Variants in CSTPP1 observed in about 807,000 individuals in gnomAD.
CSTPP1 encodes centriolar satellite-associated tubulin polyglutamylase complex regulator 1.
the CSTPP1 span, among the ~76,000 whole-genome samples, chr11:46,982,313 A>G: frequency 3.9e-5 from 6 of 152,084 alleles, no homozygotes; most frequent in African/African-American, 1.4e-4. Flanking sequence ...AAAGTTGAGT[A>G]TATGTATATA....
At chr11:47,139,611 T>C in the CSTPP1 span, among the ~76,000 whole-genome samples, 2 of 151,294 alleles carry the variant, frequency 1.3e-5, no homozygotes, top group African/African-American at 4.9e-5. Flanking sequence ...GAGGCAGAGG[T>C]TGCAGTGAGC....
chr11:47,126,278 A>C, the CSTPP1 span, among the ~76,000 whole-genome samples: 2 of 152,174 alleles, frequency 1.3e-5, no homozygotes, highest in African/African-American at 2.4e-5. Context: ...CCCTAGGACA[A>C]AAAGTGATAG....
chr11:47,056,990 G>T, the CSTPP1 span, among the ~76,000 whole-genome samples: 1 of 152,172 alleles, frequency 6.6e-6, no homozygotes, highest in Admixed American at 6.5e-5. Flanking sequence ...GAAGCCACCT[G>T]TAGAACTCTA....
At chr11:46,993,456 A>C in the CSTPP1 span, among the ~76,000 whole-genome samples, 1 of 151,768 alleles carries the variant, frequency 6.6e-6, no homozygotes, top group South Asian at 2.1e-4. Context: ...TTTTTGTATA[A>C]GGTGTAAGGA....
At chr11:46,982,612 A>AT in the CSTPP1 span, among the ~76,000 whole-genome samples, 1 of 152,084 alleles carries the variant, frequency 6.6e-6, no homozygotes, top group Admixed American at 6.6e-5. Flanking sequence ...ATAGTTTTGG[A>AT]TTTTCCCCAT....
chr11:47,147,400 G>A, the CSTPP1 span, among the ~76,000 whole-genome samples: 2 of 152,224 alleles, frequency 1.3e-5, no homozygotes, highest in African/African-American at 2.4e-5. Context: ...TTTGAGGGCA[G>A]AGGGAGGGAA....
At chr11:47,073,348 G>A in the CSTPP1 span, among the ~76,000 whole-genome samples, 2 of 152,046 alleles carry the variant, frequency 1.3e-5, no homozygotes, top group Non-Finnish European at 2.9e-5. Flanking sequence ...AAGGTGCTAC[G>A]GAGCATCAGG....
the CSTPP1 span, among the ~76,000 whole-genome samples, chr11:46,946,096 C>T: frequency 6.6e-6 from 1 of 152,108 alleles, no homozygotes; most frequent in Non-Finnish European, 1.5e-5. Context: ...GAAAAAAGAG[C>T]CAGTAAGTTC....
chr11:47,133,493 G>A, the CSTPP1 span, among the ~76,000 whole-genome samples: 13 of 152,208 alleles, frequency 8.5e-5, no homozygotes, highest in Admixed American at 6.5e-4. Context: ...GCAGGTGGGT[G>A]GGGATGAGAG....
the CSTPP1 span, among the ~76,000 whole-genome samples, chr11:47,143,352 C>T: frequency 6.6e-6 from 1 of 152,208 alleles, no homozygotes; most frequent in African/African-American, 2.4e-5. Flanking sequence ...TGCCCTCTCC[C>T]ATTTCACTGC....
the CSTPP1 span, among the ~76,000 whole-genome samples, chr11:47,008,169 G>A: frequency 1.3e-5 from 2 of 152,090 alleles, no homozygotes; most frequent in Non-Finnish European, 2.9e-5. Context: ...GTTTCACCGT[G>A]CTGGCCAGGC....
At chr11:47,007,127 G>C in the CSTPP1 span, among the ~76,000 whole-genome samples, 1 of 149,556 alleles carries the variant, frequency 6.7e-6, no homozygotes, top group Non-Finnish European at 1.5e-5. Flanking sequence ...CTGCCTTCCT[G>C]GTTCAAGTGA....
chr11:47,135,618 C>G, the CSTPP1 span, among the ~76,000 whole-genome samples: 1 of 152,216 alleles, frequency 6.6e-6, no homozygotes, highest in Non-Finnish European at 1.5e-5. Flanking sequence ...CATCCCAACA[C>G]AGAGTCTGCA....
the CSTPP1 span, among the ~76,000 whole-genome samples, chr11:46,954,888 T>C: frequency 6.6e-6 from 1 of 151,714 alleles, no homozygotes; most frequent in Non-Finnish European, 1.5e-5. Flanking sequence ...AGAGTCAGCA[T>C]GTGTTAAAAA....
the CSTPP1 span, among the ~76,000 whole-genome samples, chr11:47,042,660 TA>T: frequency 0.078 from 11,929 of 152,038 alleles, 489 homozygotes; most frequent in Non-Finnish European, 0.089. Context: ...ACTTAAAGAA[TA>T]AAAAAAATTG....
the CSTPP1 span, among the ~76,000 whole-genome samples, chr11:46,973,673 A>T: frequency 2.6e-5 from 4 of 152,166 alleles, no homozygotes; most frequent in Non-Finnish European, 5.9e-5. Context: ...TATTTTGCTT[A>T]CATTTTATAA....
chr11:47,136,593 G>T, the CSTPP1 span, among the ~76,000 whole-genome samples: 2 of 152,212 alleles, frequency 1.3e-5, no homozygotes, highest in Middle Eastern at 6.8e-3. Context: ...CCAAACTAAC[G>T]GGGGCAGGAG....
At chr11:47,160,132 G>A in the CSTPP1 span, 10 of 164,104 alleles carry the variant, frequency 6.1e-5, no homozygotes, top group African/African-American at 1.5e-4. Context: ...GGAGAACCCC[G>A]TCTCTTTAGA....
the CSTPP1 span, among the ~76,000 whole-genome samples, chr11:46,970,839 A>G: frequency 6.6e-6 from 1 of 152,210 alleles, no homozygotes; most frequent in Admixed American, 6.5e-5. Context: ...AACATTCTTC[A>G]TAAAGGTGAA....
Sources: gnomAD v4.1 joint callset for allele counts (sites outside exome capture counted in the v4.1 genomes callset) on GRCh38, gnomAD v4.1.1 for gene constraint, MANE v1.5 for transcripts, NCBI Gene and HGNC (gene_info 2026-07-23, HGNC 2026-07-21) for gene names.